Variants in CNTNAP2 observed in about 807,000 individuals in gnomAD.
The protein encoded by CNTNAP2 is contactin associated protein 2, also known as contactin-associated protein-like 2.
In CNTNAP2, 98 loss-of-function variants were observed where a neutral mutation model predicts 155.2. The ratio of observed to expected loss-of-function variants is 0.63; its 90% CI spans 0.54 to 0.75. The LOEUF (loss-of-function observed/expected upper bound fraction) is 0.75, where lower values mean the gene tolerates loss of function less well. Among genes scored for constraint, CNTNAP2 ranks in the 30% least tolerant of loss-of-function variants. CNTNAP2 has a pLI of 0.00. For missense variants in CNTNAP2, 1,727 were observed against 1,688.1 expected (o/e 1.02, Z -0.40); for synonymous variants, 651 against 631.2 (o/e 1.03, Z -0.47).
rs1800081643 is a variant in CNTNAP2, at chr7:148,420,160, A to T, written c.*4544A>T. On this transcript the variant is annotated 3_prime_UTR_variant, in exon 24 of 24. Coordinates refer to ENST00000361727, the MANE Select transcript of CNTNAP2 (RefSeq NM_014141.6). The stretch of plus-strand genomic sequence containing the variant: ...TGCAACATAGCAAAAGGACAGAGAA[A>T]TTAGAATTTTTTGTGCAGAAAGCCC... The T allele has an allele frequency of 6.6e-6, 1 of 152,210 alleles. No individual in the cohort carries two copies. The highest frequency in any genetic ancestry group is 2.4e-5 in the African/African-American group (1 of 41,434). 9.4% of individuals were successfully genotyped at this position (152,210 alleles called of 1,614,324 possible).
chr7:148,118,111 C>G lies in CNTNAP2; in HGVS notation c.2384-7C>G. ...GTTAACCTGATTTTTTTGTTTTCTT[C>G]CCACAGGGAATTATTGGAATGCCGC... On this transcript the variant is annotated splice_polypyrimidine_tract_variant and splice_region_variant and intron_variant, in intron 15 of 23. Transcript: ENST00000361727. The G allele has an allele frequency of 6.2e-7, 1 of 1,613,878 alleles. No homozygotes were observed. Among genetic ancestry groups the G allele is most frequent in the Non-Finnish European group, 8.5e-7 (1 of 1,179,980 alleles).
intron 15 of CNTNAP2, chr7:148,014,201 G>A (rs111998713): frequency 1.0e-4 from 15 of 149,940 alleles, no homozygotes; most frequent in Admixed American, 8.6e-4. Context: ...ACCAGCTGGC[G>A]ACCACCCAGT....
chr7:147,555,122 A>G (rs1318463274), intron 11 of CNTNAP2, among the ~76,000 whole-genome samples: 1 of 152,170 alleles, frequency 6.6e-6, no homozygotes, highest in East Asian at 1.9e-4. Context: ...CTGTTGAGAT[A>G]AAAAAGTCAG....
intron 2 of CNTNAP2, among the ~76,000 whole-genome samples, chr7:146,823,846 C>T (rs1401338595): frequency 2.6e-5 from 4 of 151,716 alleles, no homozygotes; most frequent in East Asian, 3.9e-4. Flanking sequence ...ACTTGGACCC[C>T]GTATTCTATA....
chr7:146,693,931 T>G (rs1450278317), intron 1 of CNTNAP2, among the ~76,000 whole-genome samples: 2 of 151,638 alleles, frequency 1.3e-5, no homozygotes, highest in Admixed American at 6.6e-5. Flanking sequence ...TTCCCCTCCC[T>G]GTGCCCATGC....
At chr7:146,759,680 TCAAAAAAAAAAAAAAAAAAAAAAAAA>T (rs1235246988) in intron 1 of CNTNAP2, among the ~76,000 whole-genome samples, 6 of 22,876 alleles carry the variant, frequency 2.6e-4, no homozygotes, top group African/African-American at 1.0e-3. Context: ...AGTGAGACTG[TCAAAAAAAAAAAAAAAAAAAAAAAAA>T]AAAAAGGTGG....
At chr7:148,158,134 T>C (rs905737289) in intron 17 of CNTNAP2, among the ~76,000 whole-genome samples, 1 of 151,706 alleles carries the variant, frequency 6.6e-6, no homozygotes, top group Non-Finnish European at 1.5e-5. Flanking sequence ...CCTTTAGGGA[T>C]CAAAACTAAT....
At chr7:147,766,078 G>C (rs1445549340) in intron 13 of CNTNAP2, among the ~76,000 whole-genome samples, 3 of 152,208 alleles carry the variant, frequency 2.0e-5, no homozygotes, top group African/African-American at 7.2e-5. Flanking sequence ...AGGGTAGACA[G>C]AATTGACCAC....
chr7:147,975,839 A>G (rs1801418482), intron 14 of CNTNAP2, among the ~76,000 whole-genome samples: 1 of 152,124 alleles, frequency 6.6e-6, no homozygotes, highest in South Asian at 2.1e-4. Flanking sequence ...GTTGCCTACC[A>G]TGATAGTCAG....
At chr7:147,092,019 G>A (rs1800417839) in intron 4 of CNTNAP2, among the ~76,000 whole-genome samples, 2 of 152,140 alleles carry the variant, frequency 1.3e-5, no homozygotes, top group African/African-American at 2.4e-5. Context: ...GACTAGAGGC[G>A]TGAGCCACCA....
chr7:148,330,907 A>G (rs1797987006), intron 21 of CNTNAP2, among the ~76,000 whole-genome samples: 1 of 95,094 alleles, frequency 1.1e-5, no homozygotes, highest in African/African-American at 3.0e-5. Flanking sequence ...GAATGGACGG[A>G]TGGAGTGGAT....
chr7:146,141,068 G>A (rs920753241), intron 1 of CNTNAP2, among the ~76,000 whole-genome samples: 1 of 152,130 alleles, frequency 6.6e-6, no homozygotes, highest in Non-Finnish European at 1.5e-5. Flanking sequence ...GTTTTAATGT[G>A]CACTAATTTT....
At chr7:148,003,308 A>C (rs1801927449) in intron 15 of CNTNAP2, among the ~76,000 whole-genome samples, 3 of 152,208 alleles carry the variant, frequency 2.0e-5, no homozygotes, top group African/African-American at 4.8e-5. Context: ...ATATGCTTCC[A>C]AGGTACTTCT....
chr7:147,937,967 G>A (rs1056800906), intron 14 of CNTNAP2, among the ~76,000 whole-genome samples: 1 of 152,092 alleles, frequency 6.6e-6, no homozygotes, highest in East Asian at 1.9e-4. Context: ...CTTAACCATG[G>A]TTAATTCTCA....
At chr7:147,463,389 T>G (rs763581037) in intron 10 of CNTNAP2, among the ~76,000 whole-genome samples, 1 of 152,216 alleles carries the variant, frequency 6.6e-6, no homozygotes, top group South Asian at 2.1e-4. Context: ...TTAAACTGTT[T>G]TCTTCAACTC....
At chr7:146,246,237 G>A (rs949816438) in intron 1 of CNTNAP2, among the ~76,000 whole-genome samples, 5 of 149,454 alleles carry the variant, frequency 3.3e-5, no homozygotes, top group East Asian at 2.0e-4. Flanking sequence ...GGGTTAAGGT[G>A]GGGTAATACA....
intron 21 of CNTNAP2, among the ~76,000 whole-genome samples, chr7:148,278,175 G>A (rs112562966): frequency 0.014 from 2,199 of 152,286 alleles, 47 homozygotes; most frequent in African/African-American, 0.05. Context: ...CAAAGGCCAC[G>A]GATACAGGGA....
chr7:146,828,521 C>T (rs528735649), intron 2 of CNTNAP2, among the ~76,000 whole-genome samples: 1 of 151,924 alleles, frequency 6.6e-6, no homozygotes, highest in Non-Finnish European at 1.5e-5. Context: ...TATGGGAATC[C>T]ATTCTATTGT....
chr7:146,957,477 C>T (rs535820666), intron 3 of CNTNAP2, among the ~76,000 whole-genome samples: 4 of 152,168 alleles, frequency 2.6e-5, no homozygotes, highest in South Asian at 2.1e-4. Context: ...GTATCCTAAA[C>T]GGTAAATGCA....
Sources: allele counts gnomAD v4.1 joint callset (sites outside exome capture counted in the v4.1 genomes callset), GRCh38; gene constraint gnomAD v4.1.1; transcripts MANE v1.5; gene names NCBI Gene and HGNC (gene_info 2026-07-23, HGNC 2026-07-21).